Variants in OGG1 observed in about 807,000 individuals in gnomAD.
OGG1 encodes 8-oxoguanine DNA glycosylase.
OGG1 carries 35 observed loss-of-function variants against 42.3 expected under a neutral mutation model. That is an observed-to-expected ratio of 0.83 (90% confidence interval 0.63 to 1.10). OGG1 has a LOEUF of 1.10. OGG1 is among the 50% of genes least tolerant of loss of function. The probability of loss-of-function intolerance (pLI) is 0.00; values close to 1 mark genes in which losing one functional copy is unlikely to be tolerated. For synonymous variants in OGG1, 189 were observed against 179.0 expected (o/e 1.06, Z -0.44); for missense variants, 484 against 446.7 (o/e 1.08, Z -0.75).
At chr3:9,790,592 G>A (rs2078705413), downstream of OGG1, among the ~76,000 whole-genome samples, 1 of 152,178 alleles carries the variant, frequency 6.6e-6, no homozygotes. Context: ...ACAGCATAGC[G>A]CCTGGCACAC....
At chr3:9,751,987 A>G (rs370148643) in intron 3 of OGG1, 38 bp downstream of exon 3, 1 of 1,589,862 alleles carries the variant, frequency 6.3e-7, no homozygotes, top group African/African-American at 1.3e-5. Context: ...GCCTTCCATC[A>G]GCTTTCAAGA....
chr3:9,756,932 C>T, intron 6 of OGG1, 116 bp downstream of exon 6: 1 of 1,612,038 alleles, frequency 6.2e-7, no homozygotes, highest in Non-Finnish European at 8.5e-7. Context: ...CCTGTCCCAA[C>T]CCCAGTGGAT....
chr3:9,789,465 C>A, downstream of OGG1: 1 of 1,567,994 alleles, frequency 6.4e-7, no homozygotes, highest in Non-Finnish European at 8.7e-7. Context: ...CACCTCTGAA[C>A]TCTCTTGTTC....
chr3:9,763,051 C>T, intron 7 of OGG1: 2 of 1,614,090 alleles, frequency 1.2e-6, no homozygotes, highest in Non-Finnish European at 1.7e-6. Context: ...CCACCCGACA[C>T]CCTGCAGCAG....
downstream of OGG1, chr3:9,767,689 C>G (rs779343393): frequency 6.2e-7 from 1 of 1,614,154 alleles, no homozygotes; most frequent in East Asian, 2.2e-5. Context: ...TCTCGGAAGT[C>G]GTAGATGTCT....
At chr3:9,774,923 T>G (rs867424363) in intron 2 of OGG1, among the ~76,000 whole-genome samples, 20 of 152,240 alleles carry the variant, frequency 1.3e-4, no homozygotes, top group African/African-American at 4.6e-4. Flanking sequence ...TAATCCTAAA[T>G]TAGGACAAGG....
At chr3:9,787,444 C>T in intron 3 of OGG1, 4 of 1,454,388 alleles carry the variant, frequency 2.8e-6, no homozygotes, top group Non-Finnish European at 3.7e-6. Context: ...AGTCCCTAGT[C>T]CAAGGCCAAG....
chr3:9,754,919 A>G, intron 4 of OGG1, 34 bp downstream of exon 4: 1 of 1,535,604 alleles, frequency 6.5e-7, no homozygotes. Flanking sequence ...TGCCCTCTCT[A>G]CTGACACTAA....
intron 2 of OGG1, among the ~76,000 whole-genome samples, chr3:9,776,643 C>T (rs748093835): frequency 5.3e-5 from 8 of 152,182 alleles, no homozygotes; most frequent in Non-Finnish European, 1.0e-4. Flanking sequence ...CCCGCCTCGG[C>T]CTCCCAAAGT....
intron 2 of OGG1, 115 bp downstream of exon 2, chr3:9,751,307 G>A (rs903661481): frequency 4.6e-6 from 5 of 1,092,228 alleles, no homozygotes; most frequent in Non-Finnish European, 6.8e-6. Context: ...CTTTTATGAG[G>A]ATTTAAGGAA....
chr3:9,757,514 G>A (rs2077636439), downstream of OGG1: 2 of 1,608,080 alleles, frequency 1.2e-6, no homozygotes, highest in Non-Finnish European at 1.7e-6. The surrounding 1 kb of genome is among the most constrained non-coding windows in gnomAD (Gnocchi z 4.5). Context: ...CCCACGCAGA[G>A]GATCATGACC....
chr3:9,754,755 G>T lies in OGG1; in HGVS notation c.617G>T (p.Arg206Leu). The change falls in exon 4 of 7, where the codon CGT becomes CTT. Residue 206 changes from arginine to leucine, a missense_variant. Physicochemically the swap from Arg to Leu is moderately radical, Grantham distance 102 (BLOSUM62 -2). Transcript: ENST00000344629. ...LRKLGLGYRA[R>L]YVSASARAIL... is the part of the protein sequence containing the mutation. ...AAGCTGGGCCTGGGCTATCGTGCCC[G>T]TTACGTGAGTGCCAGTGCCCGAGCC... is the stretch of plus-strand genomic sequence containing the variant. 6.2e-7 allele frequency: 1 copy of T among 1,614,144 alleles called. No individual in the cohort carries two copies. Among genetic ancestry groups the T allele is most frequent in the Non-Finnish European group, 8.5e-7 (1 of 1,180,004 alleles).
downstream of OGG1, among the ~76,000 whole-genome samples, chr3:9,770,372 G>A (rs972366596): frequency 2.0e-5 from 3 of 152,138 alleles, no homozygotes; most frequent in Admixed American, 2.0e-4. Flanking sequence ...GGAACTGCAC[G>A]GGAGTCTGGT....
At chr3:9,773,973 C>T (rs951613587) in intron 2 of OGG1, among the ~76,000 whole-genome samples, 2 of 152,012 alleles carry the variant, frequency 1.3e-5, no homozygotes, top group African/African-American at 2.4e-5. Context: ...CCCAGAGTGC[C>T]GGGATTATAG....
At chr3:9,789,927 G>A (rs766457564), downstream of OGG1, 3 of 1,610,158 alleles carry the variant, frequency 1.9e-6, no homozygotes, top group East Asian at 2.2e-5. Flanking sequence ...TTCAGGAATC[G>A]TCTGTCACCT....
chr3:9,784,089 G>A (rs1372317594), intron 3 of OGG1: 1 of 1,614,196 alleles, frequency 6.2e-7, no homozygotes, highest in Non-Finnish European at 8.5e-7. Context: ...TCAGCCTGCC[G>A]TTTGCGAAGC....
intron 7 of OGG1, chr3:9,765,789 C>T: frequency 6.2e-7 from 1 of 1,614,088 alleles, no homozygotes. Flanking sequence ...ATTCTCCATG[C>T]TGCCTTCCTT....
chr3:9,757,575 G>T (rs764307469), downstream of OGG1: 2 of 1,614,134 alleles, frequency 1.2e-6, no homozygotes, highest in Non-Finnish European at 1.7e-6. This position sits in a 1 kb window ranked among gnomAD's most constrained non-coding sequence, Gnocchi z 4.5. Flanking sequence ...ACAGTTCTGT[G>T]CCCGGCTCCA....
chr3:9,787,169 C>G (rs1229879977), intron 3 of OGG1: 1 of 1,614,172 alleles, frequency 6.2e-7, no homozygotes. Flanking sequence ...AAGTCCTGAC[C>G]TGGGGTTGGC....
Sources: gnomAD v4.1 joint callset for allele counts (sites outside exome capture counted in the v4.1 genomes callset) on GRCh38, gnomAD v4.1.1 for gene constraint, Gnocchi (gnomAD v3.1) non-coding constraint, MANE v1.5 for transcripts, NCBI Gene and HGNC (gene_info 2026-07-23, HGNC 2026-07-21) for gene names.